Variants in SLCO5A1 observed in about 807,000 individuals in gnomAD.
The protein encoded by SLCO5A1 is organic anion transporter polypeptide-related protein 4.
SLCO5A1 carries 39 observed loss-of-function variants against 65.1 expected under a neutral mutation model. The observed-to-expected ratio is 0.60, with a 90% CI of 0.46 to 0.78. The LOEUF (loss-of-function observed/expected upper bound fraction) is 0.78. SLCO5A1 is among the 30% of genes least tolerant of loss of function. SLCO5A1 has a pLI of 0.00. For missense variants in SLCO5A1, 1,029 were observed against 1,069.4 expected (o/e 0.96, Z 0.53); for synonymous variants, 438 against 415.7 (o/e 1.05, Z -0.65).
chr8:69,805,106 C>G (rs970442058), intron 2 of SLCO5A1, among the ~76,000 whole-genome samples: 13 of 151,870 alleles, frequency 8.6e-5, no homozygotes, highest in African/African-American at 3.1e-4. Flanking sequence ...TCCAAGATAA[C>G]TAAGAATCAC....
intron 5 of SLCO5A1, among the ~76,000 whole-genome samples, chr8:69,707,419 C>T (rs1297940975): frequency 1.3e-5 from 2 of 152,078 alleles, no homozygotes; most frequent in East Asian, 3.9e-4. Flanking sequence ...AAAGAAAATA[C>T]ATGCACAGAG....
chr8:69,705,124 C>G lies in SLCO5A1; in HGVS notation c.1529G>C (p.Cys510Ser). ...AAAACATAGTAAAGACACACCACTGCAGATCATTGCTAGTTTTGCAGATTC... is the reference window on the plus strand; with the variant it reads ...AAAACATAGTAAAGACACACCACTGGAGATCATTGCTAGTTTTGCAGATTC... The part of the protein sequence containing the change: ...ARESAKLAMI[C>S]SGVSLLCFST... Residue 510 changes from cysteine (C) to serine (S), a missense_variant, in exon 6 of 10, where the codon TGC becomes TCC. By Grantham distance (112) the Cys-to-Ser change is moderately radical. This residue lies in a region of SLCO5A1 where 647 missense variants were observed against 647.5 expected (regional missense o/e 1.00). Coordinates refer to ENST00000260126, the MANE Select transcript of SLCO5A1 (RefSeq NM_030958.3). 6.2e-7 allele frequency: 1 copy of G among 1,614,174 alleles called. No individual in the cohort carries two copies. Among genetic ancestry groups the G allele is most frequent in the Non-Finnish European group, 8.5e-7 (1 of 1,180,028 alleles).
chr8:69,762,198 CTTT>C (rs869095186), intron 2 of SLCO5A1, among the ~76,000 whole-genome samples: 2 of 80,972 alleles, frequency 2.5e-5, no homozygotes, highest in African/African-American at 1.1e-4. Flanking sequence ...TTCTTTCTTT[CTTT>C]TTTGAGACAG....
At chr8:69,728,178 A>C (rs1260012027) in intron 5 of SLCO5A1, among the ~76,000 whole-genome samples, 1 of 152,184 alleles carries the variant, frequency 6.6e-6, no homozygotes, top group Non-Finnish European at 1.5e-5. Context: ...AGAAAGGTGA[A>C]AAACACTAAT....
chr8:69,832,391 A>C lies in SLCO5A1; in HGVS notation c.283T>G (p.Cys95Gly). The C allele has an allele frequency of 6.2e-7, 1 of 1,612,960 alleles. No homozygotes were observed. Among genetic ancestry groups the C allele is most frequent in the Non-Finnish European group, 8.5e-7 (1 of 1,179,470 alleles). The change falls in exon 2 of 10, where the codon TGT becomes GGT. Residue 95 changes from cysteine to glycine, a missense_variant. Cys to Gly is a radical substitution (Grantham distance 159). Around this residue, in one of 3 missense-constraint regions of SLCO5A1, gnomAD observed 647 missense variants for 647.5 expected, o/e 1.00. Coordinates refer to ENST00000260126, the MANE Select transcript of SLCO5A1 (RefSeq NM_030958.3). This position sits in a 1 kb window ranked among gnomAD's most constrained non-coding sequence, Gnocchi z 4.5. ...TTGCTGAGGTCCACCCTGTGGTTAC[A>C]GTCCCCGAGCCCCGCCGAAGTGGAC... ...APSTSAGLGD[C>G]NHRVDLSKTF...
At chr8:69,745,178 T>C (rs1816965717) in intron 4 of SLCO5A1, among the ~76,000 whole-genome samples, 1 of 152,212 alleles carries the variant, frequency 6.6e-6, no homozygotes, top group Non-Finnish European at 1.5e-5. Context: ...AAAATCATAA[T>C]TAGGAATACT....
intron 6 of SLCO5A1, among the ~76,000 whole-genome samples, chr8:69,700,019 C>G (rs1358950085): frequency 6.6e-6 from 1 of 152,144 alleles, no homozygotes; most frequent in Non-Finnish European, 1.5e-5. Flanking sequence ...TCACTTCAGA[C>G]CAGGAGGCAG....
chr8:69,790,906 A>G (rs4360298), intron 2 of SLCO5A1, among the ~76,000 whole-genome samples: 1 of 151,974 alleles, frequency 6.6e-6, no homozygotes, highest in Non-Finnish European at 1.5e-5. Context: ...CCAGAAAGAA[A>G]AAAGGCCAGA....
intron 4 of SLCO5A1, among the ~76,000 whole-genome samples, chr8:69,738,414 T>C (rs1005671293): frequency 3.3e-5 from 5 of 151,568 alleles, no homozygotes; most frequent in Non-Finnish European, 7.4e-5. Context: ...AACCAGGATA[T>C]GGAAATTAAG....
intron 2 of SLCO5A1, among the ~76,000 whole-genome samples, chr8:69,766,865 C>G (rs1818081766): frequency 6.6e-6 from 1 of 152,194 alleles, no homozygotes; most frequent in Non-Finnish European, 1.5e-5. Flanking sequence ...GGAGGAGGCA[C>G]ACAGCCCTCT....
intron 5 of SLCO5A1, among the ~76,000 whole-genome samples, chr8:69,723,189 T>C (rs980152242): frequency 6.6e-6 from 1 of 152,244 alleles, no homozygotes; most frequent in Non-Finnish European, 1.5e-5. Context: ...AAGGTTATTT[T>C]GTTAATAATT....
chr8:69,789,858 T>C (rs2130891181), intron 2 of SLCO5A1, among the ~76,000 whole-genome samples: 1 of 152,286 alleles, frequency 6.6e-6, no homozygotes, highest in Admixed American at 6.5e-5. Context: ...AGAGTGACTA[T>C]AGTCAATAAT....
chr8:69,724,190 A>G (rs918968990), intron 5 of SLCO5A1, among the ~76,000 whole-genome samples: 1 of 152,194 alleles, frequency 6.6e-6, no homozygotes, highest in African/African-American at 2.4e-5. Flanking sequence ...TACATTTTCA[A>G]AAGGGTTTGG....
Position 69,667,111 on chromosome 8 carries a change from G to C in SLCO5A1, c.*5758C>G, listed in dbSNP as rs1813203832. 6.6e-6 allele frequency: 1 copy of C among 152,092 alleles called. No individual in the cohort carries two copies. The highest frequency in any genetic ancestry group is 1.5e-5 in the Non-Finnish European group (1 of 68,030). 9.4% of individuals were successfully genotyped at this position (152,092 alleles called of 1,614,324 possible). On this transcript the variant is annotated 3_prime_UTR_variant, in exon 10 of 10. Coordinates refer to ENST00000260126, the MANE Select transcript of SLCO5A1 (RefSeq NM_030958.3). ...TAATTTTCAATAATCAAGTATTCAAGATGCTGTAAACCAAGATTAGTACAT... is the reference window on the plus strand; with the variant it reads ...TAATTTTCAATAATCAAGTATTCAACATGCTGTAAACCAAGATTAGTACAT...
At chr8:69,700,600 A>G (rs1225493203) in intron 6 of SLCO5A1, 4 of 152,142 alleles carry the variant, frequency 2.6e-5, no homozygotes, top group African/African-American at 9.6e-5. Flanking sequence ...CTCAAAACAC[A>G]TCATAGTAAA....
intron 2 of SLCO5A1, among the ~76,000 whole-genome samples, chr8:69,823,151 T>C (rs1820719227): frequency 6.6e-6 from 1 of 152,182 alleles, no homozygotes; most frequent in South Asian, 2.1e-4. Flanking sequence ...CTCTCTCTCC[T>C]TATATGTAAG....
At chr8:69,676,248 A>C (rs1813540928) in intron 9 of SLCO5A1, among the ~76,000 whole-genome samples, 1 of 152,226 alleles carries the variant, frequency 6.6e-6, no homozygotes, top group African/African-American at 2.4e-5. Flanking sequence ...ATAAAGACCA[A>C]TTTCTACTGC....
intron 2 of SLCO5A1, among the ~76,000 whole-genome samples, chr8:69,784,936 AAGAAAG>A (rs1818986101): frequency 2.7e-5 from 4 of 147,676 alleles, no homozygotes; most frequent in Admixed American, 2.7e-4. Flanking sequence ...GAAAGAAAGA[AAGAAAG>A]AAAGAAAGAA....
In SLCO5A1 at chr8:69,822,786, G is replaced by A. The variant is rs774495782; in HGVS notation, c.907+8981C>T. On this transcript the variant is annotated intron_variant, in intron 2 of 9. Coordinates refer to ENST00000260126, the MANE Select transcript of SLCO5A1 (RefSeq NM_030958.3). ...GAAACAGGCTGGGAGAAGCCAAGGGGTTTGTCTGAAGTCCCATGACCAGTT... is the reference window on the plus strand; with the variant it reads ...GAAACAGGCTGGGAGAAGCCAAGGGATTTGTCTGAAGTCCCATGACCAGTT... Among the ~76,000 whole-genome samples, 9 of 152,230 alleles carry A rather than the reference G, an allele frequency of 5.9e-5. No individual in the cohort carries two copies. The East Asian group carries it at 7.7e-4, about 13-fold the overall frequency.
Sources: gnomAD v4.1 joint callset for allele counts (sites outside exome capture counted in the v4.1 genomes callset) on GRCh38, gnomAD v4.1.1 for gene constraint, gnomAD v4.1.1 regional missense constraint, Gnocchi (gnomAD v3.1) non-coding constraint, MANE v1.5 for transcripts, NCBI Gene and HGNC (gene_info 2026-07-23, HGNC 2026-07-21) for gene names.